Variants in FSTL4 observed in about 807,000 individuals in gnomAD.
The protein encoded by FSTL4 is follistatin-related protein 4.
A neutral mutation model predicts 78.2 loss-of-function variants in FSTL4; 28 were observed. The ratio of observed to expected loss-of-function variants is 0.36; its 90% CI spans 0.27 to 0.49. The LOEUF (loss-of-function observed/expected upper bound fraction) is 0.49, where lower values mean the gene tolerates loss of function less well. Ranked by LOEUF, FSTL4 falls within the 20% of genes least tolerant of loss-of-function variation. FSTL4 has a pLI of 0.98. For missense variants in FSTL4, 922 were observed against 1,084.9 expected, an observed-to-expected ratio of 0.85 and a Z score of 2.11; for synonymous variants, 422 against 440.5, an observed-to-expected ratio of 0.96 and a Z score of 0.53.
rs1277564435 is a variant in FSTL4, at chr5:133,422,258, A to G, written c.161-21272T>C. Among the ~76,000 whole-genome samples the G allele has an allele frequency of 2.0e-5, 3 of 152,130 alleles. No homozygotes were observed. In the East Asian group the frequency reaches 5.8e-4, roughly 29 times the overall value. On this transcript the variant is annotated intron_variant, in intron 3 of 15. Transcript: ENST00000265342. The stretch of plus-strand genomic sequence containing the variant: ...TAGTAACAAGCCACTGGTGGATTTT[A>G]AGCAGGAGAGTGGTACGATATGATC...
At chr5:133,494,875 A>C (rs1758339468) in intron 3 of FSTL4, among the ~76,000 whole-genome samples, 1 of 152,248 alleles carries the variant, frequency 6.6e-6, no homozygotes, top group Non-Finnish European at 1.5e-5. Flanking sequence ...CATCTTATGC[A>C]AATGTTTTTA....
At chr5:133,438,950 C>CT (rs1249362548) in intron 3 of FSTL4, among the ~76,000 whole-genome samples, 1 of 152,196 alleles carries the variant, frequency 6.6e-6, no homozygotes, top group Non-Finnish European at 1.5e-5. Context: ...CCTCACGCGC[C>CT]TTTGATTCCT....
At chr5:133,312,892 G>A (rs1753820870) in intron 5 of FSTL4, 115 bp from the exon 6 acceptor site, 3 of 869,256 alleles carry the variant, frequency 3.5e-6, no homozygotes, top group African/African-American at 1.7e-5. Flanking sequence ...GGCCTTGAGG[G>A]GTACCTGAAG....
intron 3 of FSTL4, among the ~76,000 whole-genome samples, chr5:133,438,792 T>TGATCTAG (rs1458616571): frequency 1.3e-5 from 2 of 152,246 alleles, no homozygotes; most frequent in African/African-American, 4.8e-5. Flanking sequence ...TGAGCAGAAC[T>TGATCTAG]GATCTAGTTA....
chr5:133,400,267 C>T (rs1196547787), intron 4 of FSTL4, among the ~76,000 whole-genome samples: 1 of 152,204 alleles, frequency 6.6e-6, no homozygotes, highest in Non-Finnish European at 1.5e-5. Flanking sequence ...GATGCCTTCC[C>T]ATCAACAACT....
chr5:133,570,872 CAG>C (rs1760140040), intron 2 of FSTL4, among the ~76,000 whole-genome samples: 1 of 152,068 alleles, frequency 6.6e-6, no homozygotes, highest in Admixed American at 6.5e-5. Flanking sequence ...AGAAGCCAAA[CAG>C]AATATAATAT....
intron 2 of FSTL4, among the ~76,000 whole-genome samples, chr5:133,594,000 G>C (rs1042966710): frequency 2.6e-5 from 4 of 151,802 alleles, no homozygotes; most frequent in African/African-American, 9.7e-5. Flanking sequence ...ACACAGCTAG[G>C]TGCTCAGTGG....
intron 3 of FSTL4, among the ~76,000 whole-genome samples, chr5:133,513,448 T>C (rs995218438): frequency 6.6e-6 from 1 of 152,182 alleles, no homozygotes; most frequent in Non-Finnish European, 1.5e-5. Context: ...CCAGCAGCAG[T>C]ATACACTATG....
chr5:133,331,238 AG>A, intron 4 of FSTL4, among the ~76,000 whole-genome samples: 1 of 152,292 alleles, frequency 6.6e-6, no homozygotes, highest in East Asian at 1.9e-4. Context: ...CTGAAATAAC[AG>A]GTGGGGAGAC....
At chr5:133,604,086 A>G (rs184719456) in intron 1 of FSTL4, 93 bp from the exon 2 acceptor site, 561 of 915,890 alleles carry the variant, frequency 6.1e-4, no homozygotes, top group Non-Finnish European at 9.0e-4. Context: ...AGAATCAGAT[A>G]AGCCTGGGTT....
chr5:133,727,888 C>T, the FSTL4 span, among the ~76,000 whole-genome samples: 2 of 152,144 alleles, frequency 1.3e-5, no homozygotes, highest in Non-Finnish European at 2.9e-5. Context: ...GGCCTGAGGA[C>T]ACCTATCACC....
At chr5:133,401,011 G>A (rs759780466) in intron 3 of FSTL4, 25 bp from the exon 4 acceptor site, 1 of 1,611,848 alleles carries the variant, frequency 6.2e-7, no homozygotes, top group East Asian at 2.2e-5. Context: ...AACACAGAGG[G>A]TCAGCTGTAA....
At chr5:133,349,820 T>G (rs552897604) in intron 4 of FSTL4, among the ~76,000 whole-genome samples, 9 of 144,632 alleles carry the variant, frequency 6.2e-5, no homozygotes, top group Admixed American at 2.1e-4. Flanking sequence ...ATGTTTGTCA[T>G]GCTGCCATGC....
At chr5:133,829,817 G>A in the FSTL4 span, among the ~76,000 whole-genome samples, 1 of 152,136 alleles carries the variant, frequency 6.6e-6, no homozygotes, top group Non-Finnish European at 1.5e-5. Flanking sequence ...CAGAGACAAG[G>A]TCTCTGGGGT....
intron 2 of FSTL4, among the ~76,000 whole-genome samples, chr5:133,581,528 A>G (rs1760407897): frequency 6.6e-6 from 1 of 152,054 alleles, no homozygotes; most frequent in Non-Finnish European, 1.5e-5. Context: ...AGCCACCCAC[A>G]CCTCCCAGGA....
intron 11 of FSTL4, among the ~76,000 whole-genome samples, chr5:133,223,386 A>G (rs563790681): frequency 2.0e-5 from 3 of 152,346 alleles, no homozygotes; most frequent in African/African-American, 7.2e-5. Flanking sequence ...GGAAAAAATG[A>G]GATGGGAAAT....
At chr5:133,522,108 T>C (rs1215710631) in intron 3 of FSTL4, among the ~76,000 whole-genome samples, 1 of 152,106 alleles carries the variant, frequency 6.6e-6, no homozygotes, top group African/African-American at 2.4e-5. Flanking sequence ...GAAAATTATC[T>C]ATGAGGAGCA....
chr5:133,555,491 T>C (rs1759768153), intron 3 of FSTL4, among the ~76,000 whole-genome samples: 1 of 152,158 alleles, frequency 6.6e-6, no homozygotes, highest in Admixed American at 6.5e-5. Context: ...TCTTCACTCT[T>C]CCCAACTCAC....
the FSTL4 span, among the ~76,000 whole-genome samples, chr5:133,761,262 C>T: frequency 1.3e-5 from 2 of 152,160 alleles, no homozygotes; most frequent in African/African-American, 4.8e-5. Context: ...ATTTCGAAGA[C>T]TCCATAAAGA....
Sources: allele counts gnomAD v4.1 joint callset (sites outside exome capture counted in the v4.1 genomes callset), GRCh38; gene constraint gnomAD v4.1.1; transcripts MANE v1.5; gene names NCBI Gene and HGNC (gene_info 2026-07-23, HGNC 2026-07-21).